SPTA1: variants seen among roughly 807,000 people sequenced by gnomAD.
SPTA1 encodes spectrin alpha chain, erythrocytic 1.
A neutral mutation model predicts 324.7 loss-of-function variants in SPTA1; 177 were observed. That is an observed-to-expected ratio of 0.55 (90% CI 0.48 to 0.62). The LOEUF (loss-of-function observed/expected upper bound fraction) is 0.62, where lower values mean the gene tolerates loss of function less well. Among genes scored for constraint, SPTA1 ranks in the 20% least tolerant of loss-of-function variants. The pLI, the probability that SPTA1 is intolerant of heterozygous loss-of-function variation, is 0.00. For missense variants in SPTA1, 3,162 were observed against 2,883.6 expected (o/e 1.10, Z -2.21); for synonymous variants, 1,195 against 1,041.3 (o/e 1.15, Z -2.84).
intron 10 of SPTA1, among the ~76,000 whole-genome samples, chr1:158,672,451 A>G (rs1227616963): frequency 2.6e-4 from 40 of 152,194 alleles, no homozygotes; most frequent in Non-Finnish European, 1.5e-4. Flanking sequence ...AAGTAGAAGT[A>G]TGGGAAAGCA....
chr1:158,651,641 C>T (rs1557959882), intron 23 of SPTA1, among the ~76,000 whole-genome samples, 173 bp from the exon 24 acceptor site: 1 of 152,290 alleles, frequency 6.6e-6, no homozygotes, highest in South Asian at 2.1e-4. Flanking sequence ...AAGATCTTGA[C>T]ACCTAGTGGC....
In SPTA1 at chr1:158,644,362, C is replaced by A. The variant is rs770147391; in HGVS notation, c.4229G>T (p.Trp1410Leu). Reference protein sequence around the residue: ...FQGNCDQVESWMVARENSLRS... With the variant: ...FQGNCDQVESLMVARENSLRS... ...CAGGGAATTCTCACGTGCCACCATC[C>A]AGCTCTCAACTTGATCACAGTTCCC... The change falls in exon 30 of 52, where the codon TGG becomes TTG. Residue 1410 changes from tryptophan to leucine, a missense_variant. Transcript: ENST00000643759. 6 of 1,613,870 alleles carry A rather than the reference C, an allele frequency of 3.7e-6. No individual in the cohort carries two copies. Among genetic ancestry groups the A allele is most frequent in the Non-Finnish European group, 5.1e-6 (6 of 1,179,878 alleles).
chr1:158,647,251 C>CAGAATACTGAATACAGT (rs1652062057), intron 27 of SPTA1, among the ~76,000 whole-genome samples: 2 of 152,160 alleles, frequency 1.3e-5, no homozygotes, highest in African/African-American at 4.8e-5. Flanking sequence ...TTGTATTCAA[C>CAGAATACTGAATACAGT]AGAATACTGA....
At chr1:158,612,412 G>T (rs996399685) in intron 51 of SPTA1, 1 of 262,590 alleles carries the variant, frequency 3.8e-6, no homozygotes, top group South Asian at 4.4e-5. Flanking sequence ...TGACAGATGT[G>T]TTTGCTTCTG....
At chr1:158,683,532 G>A (rs1571537228) in intron 2 of SPTA1, 36 bp from the exon 3 acceptor site, 1 of 1,611,442 alleles carries the variant, frequency 6.2e-7, no homozygotes. Flanking sequence ...GTCTAATGAA[G>A]CACAGTCTTC....
intron 8 of SPTA1, among the ~76,000 whole-genome samples, chr1:158,675,377 CA>C (rs1654323196): frequency 6.6e-6 from 1 of 152,006 alleles, no homozygotes; most frequent in East Asian, 1.9e-4. Context: ...AATGTTTCTT[CA>C]GTTGCTTTTC....
chr1:158,614,552 A>C, intron 48 of SPTA1: 1 of 430,996 alleles, frequency 2.3e-6, no homozygotes. Flanking sequence ...AAATTTTTTG[A>C]AACATGAAAA....
At chr1:158,669,626 G>T in intron 13 of SPTA1, 63 bp from the exon 14 acceptor site, 1 of 1,614,014 alleles carries the variant, frequency 6.2e-7, no homozygotes, top group Non-Finnish European at 8.5e-7. Flanking sequence ...GAGATTCGCT[G>T]ACCACCCTGG....
Position 158,626,932 on chromosome 1 carries a change from C to T in SPTA1, c.5740G>A (p.Ala1914Thr), listed in dbSNP as rs1374615624. 44 of 1,613,920 alleles carry T rather than the reference C, an allele frequency of 2.7e-5. No individual in the cohort carries two copies. The highest frequency in any genetic ancestry group is 3.6e-5 in the Non-Finnish European group (43 of 1,179,864). ...AACTTCCAAGCAGCTATTGCCTTAG[C>T]CAGAGAAGGGGTCTTTTCATTCAGA... ...EALNEKTPSL[A>T]KAIAAWKLQL... Residue 1914 changes from alanine to threonine, a missense_variant, in exon 41 of 52, where the codon GCT (alanine) becomes ACT (threonine). By Grantham distance (58) the Ala-to-Thr change is moderately conservative. Coordinates refer to ENST00000643759, the MANE Select transcript of SPTA1 (RefSeq NM_003126.4).
Position 158,639,625 on chromosome 1 carries a change from A to C in SPTA1, c.4937T>G (p.Leu1646Arg). 1.9e-6 allele frequency: 3 copies of C among 1,613,888 alleles called. No individual in the cohort carries two copies. The highest frequency in any genetic ancestry group is 1.3e-5 in the African/African-American group (1 of 75,016). ...ARDLASAGNL[L>R]KKHQLLEREM... Reference sequence around the variant, plus strand: ...TCTCTCCAATAGCTGATGCTTCTTGAGTAGGTTTCCTGCTGAAGCCAAGTC... The same window carrying C: ...TCTCTCCAATAGCTGATGCTTCTTGCGTAGGTTTCCTGCTGAAGCCAAGTC... Residue 1646 changes from leucine to arginine, a missense_variant, in exon 35 of 52, where the codon CTC becomes CGC. Physicochemically the swap from Leu to Arg is moderately radical, Grantham distance 102. Transcript: ENST00000643759.
At position 158,661,301 on chromosome 1, in the gene SPTA1, T is replaced by G. The variant is rs1358526927; in HGVS notation, c.2573A>C (p.Lys858Thr). 1.2e-6 allele frequency: 2 copies of G among 1,613,818 alleles called. No individual in the cohort carries two copies. Among genetic ancestry groups the G allele is most frequent in the Admixed American group, 1.7e-5 (1 of 60,000 alleles). Residue 858 changes from lysine to threonine, a missense_variant, in exon 18 of 52, where the codon AAA (lysine) becomes ACA (threonine). Lys to Thr is a moderately conservative substitution (Grantham distance 78). Coordinates refer to ENST00000643759, the MANE Select transcript of SPTA1 (RefSeq NM_003126.4). ...ATCATACATACCTTCCTCTACCATT[T>G]TGTTTCCCCTTTCTGTTATCTCTTG... Reference protein sequence around the residue: ...RIQEITERGNKMVEEGHFAAE... With the variant: ...RIQEITERGNTMVEEGHFAAE...
intron 43 of SPTA1, 26 bp from the exon 44 acceptor site, chr1:158,620,492 C>T (rs529852309): frequency 2.8e-5 from 45 of 1,611,948 alleles, no homozygotes; most frequent in Non-Finnish European, 3.8e-5. Context: ...AAAGACACTA[C>T]CATCTTTCCT....
At chr1:158,652,389 A>G (rs1652507772) in intron 23 of SPTA1, 78 bp downstream of exon 23, 2 of 1,515,836 alleles carry the variant, frequency 1.3e-6, no homozygotes, top group African/African-American at 1.4e-5. Context: ...TGTGAAATAA[A>G]TTAAAAGATC....
At chr1:158,654,861 G>A (rs554055977) in intron 20 of SPTA1, 113 bp from the exon 21 acceptor site, 195 of 1,439,986 alleles carry the variant, frequency 1.4e-4, no homozygotes, top group Non-Finnish European at 1.8e-4. Context: ...CCTCTGGCTG[G>A]AACCTCTTAC....
At chr1:158,645,720 G>A (rs1019234632) in intron 27 of SPTA1, 126 bp from the exon 28 acceptor site, 1 of 983,094 alleles carries the variant, frequency 1.0e-6, no homozygotes, top group South Asian at 1.3e-5. Context: ...GGCTTTATAT[G>A]CTTTACAGAT....
intron 39 of SPTA1, among the ~76,000 whole-genome samples, chr1:158,628,092 T>C (rs1048139204): frequency 1.3e-5 from 2 of 152,098 alleles, no homozygotes; most frequent in African/African-American, 4.8e-5. Flanking sequence ...AAATTTAGTA[T>C]CAAGAACATC....
rs138221686 is a variant in SPTA1 at position 158,680,407 on chromosome 1, T to G, written c.678+176A>C. Among the ~76,000 whole-genome samples, 208 of 152,234 alleles carry G rather than the reference T, an allele frequency of 1.4e-3. 1 individual carries two copies. Among genetic ancestry groups the G allele is most frequent in the African/African-American group, 4.4e-3 (183 of 41,548 alleles). ...TCAACCCTCCATTTCAATAGACTTG[T>G]AAGGGGTGGGTCCAGAGGGGAGAGG... On this transcript the variant is annotated intron_variant, in intron 5 of 51. Transcript: ENST00000643759.
At chr1:158,636,610 T>C in intron 37 of SPTA1, 31 bp downstream of exon 37, 2 of 1,613,244 alleles carry the variant, frequency 1.2e-6, no homozygotes, top group South Asian at 2.2e-5. Context: ...GGATGATTTC[T>C]ATATTTTCAG....
chr1:158,642,789 T>G, intron 32 of SPTA1, 25 bp downstream of exon 32: 1 of 1,613,798 alleles, frequency 6.2e-7, no homozygotes, highest in Non-Finnish European at 8.5e-7. Flanking sequence ...GGTGAAATTT[T>G]CCAAGATTCC....
Sources: allele counts gnomAD v4.1 joint callset (sites outside exome capture counted in the v4.1 genomes callset), GRCh38; gene constraint gnomAD v4.1.1; transcripts MANE v1.5; gene names NCBI Gene and HGNC (gene_info 2026-07-23, HGNC 2026-07-21).